The following ANO3 variants were observed in gnomAD, a reference collection of about 807,000 sequenced individuals.
ANO3 encodes anoctamin 3.
ANO3 carries 99 observed loss-of-function variants against 144.8 expected under a neutral mutation model. The observed-to-expected ratio is 0.68, with a 90% CI of 0.58 to 0.81. ANO3 has a LOEUF of 0.81. ANO3 is among the 30% of genes least tolerant of loss of function. The pLI, the probability that ANO3 is intolerant of heterozygous loss-of-function variation, is 0.00. For synonymous variants in ANO3, 414 were observed against 392.6 expected, an observed-to-expected ratio of 1.05 and a Z score of -0.64; for missense variants, 905 against 1,202.2, an observed-to-expected ratio of 0.75 and a Z score of 3.66.
intron 1 of ANO3, among the ~76,000 whole-genome samples, chr11:26,340,646 T>A (rs940641665): frequency 2.0e-5 from 3 of 151,364 alleles, no homozygotes; most frequent in Non-Finnish European, 4.4e-5. Flanking sequence ...ATGTGCACAT[T>A]AGAGAATGAA....
intron 6 of ANO3, among the ~76,000 whole-genome samples, chr11:26,521,931 T>C (rs575329845): frequency 6.6e-6 from 1 of 152,316 alleles, no homozygotes; most frequent in East Asian, 1.9e-4. Flanking sequence ...ACGCCTGTAA[T>C]CCCAGCACTT....
In ANO3 at chr11:26,587,684, C is replaced by T. The variant is rs115134594; in HGVS notation, c.1448-10681C>T. 8.2e-3 allele frequency among the ~76,000 whole-genome samples: 1,247 copies of T among 152,180 alleles called. 21 individuals carry two copies. The highest frequency in any genetic ancestry group is 0.028 in the African/African-American group (1,179 of 41,508). ...GAGTTAAAAAGGTTGGGGCCAGGTG[C>T]GGTGGCTCACACCTGCAATCCTAGC... On this transcript the variant is annotated intron_variant, in intron 14 of 26. Coordinates refer to ENST00000256737, the MANE Select transcript of ANO3 (RefSeq NM_031418.4).
chr11:26,651,518 A>T (rs1026030802), intron 24 of ANO3, among the ~76,000 whole-genome samples: 3 of 151,894 alleles, frequency 2.0e-5, no homozygotes, highest in African/African-American at 7.2e-5. Flanking sequence ...GGGATTTGCA[A>T]ACATTTAAAG....
intron 1 of ANO3, among the ~76,000 whole-genome samples, chr11:26,395,324 G>T (rs1342905599): frequency 6.6e-6 from 1 of 152,100 alleles, no homozygotes; most frequent in East Asian, 1.9e-4. Flanking sequence ...AAAGTCAGTG[G>T]TAATTTGATG....
At chr11:26,426,009 A>G (rs1857909079) in intron 1 of ANO3, among the ~76,000 whole-genome samples, 1 of 152,162 alleles carries the variant, frequency 6.6e-6, no homozygotes, top group Admixed American at 6.6e-5. Context: ...TTTCTCCACA[A>G]CTATTACAAG....
chr11:26,545,285 G>T (rs149276729), intron 11 of ANO3, among the ~76,000 whole-genome samples: 1 of 152,058 alleles, frequency 6.6e-6, no homozygotes, highest in Admixed American at 6.6e-5. Context: ...GGCACAGCCT[G>T]TATTGTCTCA....
intron 1 of ANO3, among the ~76,000 whole-genome samples, chr11:26,250,151 C>T (rs1325893140): frequency 6.6e-6 from 1 of 152,208 alleles, no homozygotes; most frequent in Admixed American, 6.5e-5. Context: ...TGAACAATAA[C>T]TGTCTCTACT....
chr11:26,474,964 T>C (rs1206154002), intron 4 of ANO3, among the ~76,000 whole-genome samples: 2 of 151,950 alleles, frequency 1.3e-5, no homozygotes, highest in African/African-American at 4.8e-5. Flanking sequence ...AATTTAAAAA[T>C]GTTTATTGTA....
At chr11:26,332,363 T>C (rs775761239) in intron 1 of ANO3, 42 bp downstream of exon 1, 2 of 1,599,786 alleles carry the variant, frequency 1.3e-6, no homozygotes, top group Non-Finnish European at 1.7e-6. Context: ...GGGCGTCACT[T>C]CCCCCCTGCA....
chr11:26,332,460 A>G, intron 1 of ANO3, 139 bp downstream of exon 1: 1 of 821,664 alleles, frequency 1.2e-6, no homozygotes, highest in South Asian at 1.7e-5. Flanking sequence ...AAAAAAAAAA[A>G]TTAAATTCCT....
intron 1 of ANO3, among the ~76,000 whole-genome samples, chr11:26,361,011 A>G (rs529507003): frequency 5.3e-4 from 81 of 152,272 alleles, no homozygotes; most frequent in African/African-American, 1.9e-3. Flanking sequence ...CGTCACCTCT[A>G]AATTTTATTC....
intron 10 of ANO3, among the ~76,000 whole-genome samples, chr11:26,541,745 G>T (rs544724652): frequency 1.3e-5 from 2 of 152,240 alleles, no homozygotes; most frequent in East Asian, 3.9e-4. Context: ...TTTAATAAAA[G>T]ATTTTTAATA....
intron 4 of ANO3, among the ~76,000 whole-genome samples, chr11:26,472,120 C>A (rs1326675717): frequency 6.6e-6 from 1 of 151,874 alleles, no homozygotes; most frequent in Non-Finnish European, 1.5e-5. Flanking sequence ...TTTAAACATT[C>A]AATCAATCAC....
intron 1 of ANO3, among the ~76,000 whole-genome samples, chr11:26,368,606 A>G (rs1384137599): frequency 3.9e-5 from 6 of 152,104 alleles, no homozygotes; most frequent in Non-Finnish European, 7.4e-5. Context: ...AGAGAGACAG[A>G]TTGAGAGATA....
At chr11:26,659,734 A>G (rs1853819163) in intron 26 of ANO3, among the ~76,000 whole-genome samples, 1 of 152,142 alleles carries the variant, frequency 6.6e-6, no homozygotes, top group Admixed American at 6.6e-5. Flanking sequence ...TATGTTTTTT[A>G]TCATAGAATT....
upstream of ANO3, among the ~76,000 whole-genome samples, chr11:26,309,333 T>C (rs116179506): frequency 0.02 from 3,050 of 152,006 alleles, 91 homozygotes; most frequent in African/African-American, 0.066. Context: ...ATTAGAAGAG[T>C]GTGTTACCCA....
chr11:26,584,062 A>G (rs1378420581), intron 14 of ANO3, among the ~76,000 whole-genome samples: 3 of 152,154 alleles, frequency 2.0e-5, no homozygotes, highest in Non-Finnish European at 4.4e-5. Flanking sequence ...AGCAATAATT[A>G]TTTTTTCAAC....
At chr11:26,523,997 TG>T (rs1849093230) in intron 6 of ANO3, among the ~76,000 whole-genome samples, 1 of 152,140 alleles carries the variant, frequency 6.6e-6, no homozygotes, top group South Asian at 2.1e-4. Context: ...GTAGCTTTTT[TG>T]AAAAAAATAC....
chr11:26,648,652 C>A (rs949267575), intron 24 of ANO3, among the ~76,000 whole-genome samples: 4 of 152,168 alleles, frequency 2.6e-5, no homozygotes, highest in Non-Finnish European at 1.5e-5. Context: ...GTTTTCTCAG[C>A]TCTTTCCTTA....
Sources: allele counts gnomAD v4.1 joint callset (sites outside exome capture counted in the v4.1 genomes callset), GRCh38; gene constraint gnomAD v4.1.1; transcripts MANE v1.5; gene names NCBI Gene and HGNC (gene_info 2026-07-23, HGNC 2026-07-21).